The following HS3ST5 variants were observed in gnomAD, a reference collection of about 807,000 sequenced individuals.
The protein encoded by HS3ST5 is heparan sulfate-glucosamine 3-sulfotransferase 5, also known as heparan sulfate glucosamine 3-O-sulfotransferase 5.
A neutral mutation model predicts 25.4 loss-of-function variants in HS3ST5; 10 were observed. The ratio of observed to expected loss-of-function variants is 0.39; its 90% confidence interval spans 0.24 to 0.67. HS3ST5 has a LOEUF of 0.67. HS3ST5 is among the 30% of genes least tolerant of loss of function. HS3ST5 has a pLI of 0.44. For synonymous variants in HS3ST5, 170 were observed against 162.4 expected, an observed-to-expected ratio of 1.05 and a Z score of -0.36; for missense variants, 324 against 420.7, an observed-to-expected ratio of 0.77 and a Z score of 2.01.
intron 1 of HS3ST5, among the ~76,000 whole-genome samples, chr6:114,267,725 G>T (rs1773469448): frequency 6.6e-6 from 1 of 152,124 alleles, no homozygotes; most frequent in African/African-American, 2.4e-5. Context: ...ATTCCAGAGG[G>T]CCTGAGAGAG....
chr6:114,261,741 C>T (rs1182310288), intron 1 of HS3ST5, among the ~76,000 whole-genome samples: 1 of 152,172 alleles, frequency 6.6e-6, no homozygotes, highest in Non-Finnish European at 1.5e-5. Flanking sequence ...TGTCCTCCAA[C>T]ATTTTTGCTT....
chr6:114,135,668 C>T (rs988752988), intron 3 of HS3ST5, among the ~76,000 whole-genome samples: 1 of 152,224 alleles, frequency 6.6e-6, no homozygotes, highest in African/African-American at 2.4e-5. Context: ...ATGTTTTCTC[C>T]TATTCCACAG....
At chr6:114,206,000 C>G (rs1258813954) in intron 2 of HS3ST5, among the ~76,000 whole-genome samples, 1 of 152,126 alleles carries the variant, frequency 6.6e-6, no homozygotes, top group Non-Finnish European at 1.5e-5. Context: ...GTTGGGGACC[C>G]CTGCTCTAAT....
intron 3 of HS3ST5, among the ~76,000 whole-genome samples, chr6:114,166,031 A>G (rs1779194445): frequency 6.6e-6 from 1 of 152,086 alleles, no homozygotes; most frequent in African/African-American, 2.4e-5. Flanking sequence ...ACTTTAAAAA[A>G]TAAATAAATA....
At chr6:114,250,378 G>A (rs545370129) in intron 1 of HS3ST5, among the ~76,000 whole-genome samples, 4 of 152,212 alleles carry the variant, frequency 2.6e-5, no homozygotes, top group African/African-American at 9.6e-5. Context: ...TCAGAAGATC[G>A]AGACCATCCT....
chr6:114,290,092 T>C (rs1290452279), intron 1 of HS3ST5, among the ~76,000 whole-genome samples: 1 of 152,184 alleles, frequency 6.6e-6, no homozygotes, highest in African/African-American at 2.4e-5. Context: ...ATAAGTTCCA[T>C]ACTTATGTAC....
intron 3 of HS3ST5, among the ~76,000 whole-genome samples, chr6:114,122,227 C>A (rs1776824938): frequency 6.6e-6 from 1 of 152,178 alleles, no homozygotes; most frequent in African/African-American, 2.4e-5. Flanking sequence ...CCCTCAGGAG[C>A]CACTCTGCAG....
At chr6:114,144,690 C>T (rs545752835) in intron 3 of HS3ST5, among the ~76,000 whole-genome samples, 1 of 152,292 alleles carries the variant, frequency 6.6e-6, no homozygotes, top group East Asian at 1.9e-4. Flanking sequence ...AAAGGCAAAG[C>T]CATTGGCATT....
At chr6:114,088,804 A>G (rs1274633526) in intron 3 of HS3ST5, 4 of 152,188 alleles carry the variant, frequency 2.6e-5, no homozygotes, top group African/African-American at 9.6e-5. Context: ...ATGAATAGGG[A>G]AAGACTCAGC....
At chr6:114,258,968 T>C (rs1215424367) in intron 1 of HS3ST5, among the ~76,000 whole-genome samples, 1 of 152,176 alleles carries the variant, frequency 6.6e-6, no homozygotes, top group African/African-American at 2.4e-5. Context: ...AACTTTATGA[T>C]TCCTTGGCTC....
In HS3ST5 at chr6:114,082,373, T is replaced by C. The variant is rs1400563567; in HGVS notation, c.-32-19496A>G. ...CCTCAAAAAATTAATCTGACTTTCT[T>C]TTTCTTAACTGGATTTTAAGTCATT... On this transcript the variant is annotated intron_variant, in intron 3 of 4. Transcript: ENST00000312719. Among the ~76,000 whole-genome samples, 3 of 152,194 alleles carry C rather than the reference T, an allele frequency of 2.0e-5. No individual in the cohort carries two copies. The East Asian group carries it at 5.8e-4, about 29-fold the overall frequency.
At chr6:114,314,742 T>C (rs1473232491) in intron 1 of HS3ST5, among the ~76,000 whole-genome samples, 2 of 152,248 alleles carry the variant, frequency 1.3e-5, no homozygotes, top group Non-Finnish European at 2.9e-5. Flanking sequence ...TCCTTTCAGC[T>C]TTAAATTTTC....
chr6:114,061,426 A>G (rs1009373622), intron 4 of HS3ST5, among the ~76,000 whole-genome samples: 2 of 152,326 alleles, frequency 1.3e-5, no homozygotes. Flanking sequence ...GAAGCATCAA[A>G]GGAGTTCACT....
At chr6:114,118,529 T>A (rs1184991215) in intron 3 of HS3ST5, among the ~76,000 whole-genome samples, 1 of 152,198 alleles carries the variant, frequency 6.6e-6, no homozygotes, top group Non-Finnish European at 1.5e-5. Context: ...TACCATTATC[T>A]TGACTACCTA....
intron 3 of HS3ST5, among the ~76,000 whole-genome samples, chr6:114,099,269 C>A (rs547702052): frequency 6.6e-6 from 1 of 152,142 alleles, no homozygotes; most frequent in African/African-American, 2.4e-5. Context: ...GATTTTAAGG[C>A]AGCAGCCCTA....
chr6:114,094,816 T>G (rs1049492665), intron 3 of HS3ST5, among the ~76,000 whole-genome samples: 2 of 152,158 alleles, frequency 1.3e-5, no homozygotes, highest in Non-Finnish European at 1.5e-5. Flanking sequence ...GCAAAGGTGA[T>G]GCAATGTCAC....
chr6:114,080,843 C>T (rs527793811), intron 3 of HS3ST5, among the ~76,000 whole-genome samples: 1 of 152,020 alleles, frequency 6.6e-6, no homozygotes, highest in African/African-American at 2.4e-5. Context: ...TGGTCAGTAC[C>T]TGGGTGATGG....
intron 2 of HS3ST5, among the ~76,000 whole-genome samples, chr6:114,207,658 A>C (rs1781332113): frequency 6.6e-6 from 1 of 152,094 alleles, no homozygotes; most frequent in South Asian, 2.1e-4. Flanking sequence ...GTTGGACAAA[A>C]GACTCCCCTG....
intron 3 of HS3ST5, among the ~76,000 whole-genome samples, chr6:114,092,744 C>T (rs899138650): frequency 7.4e-5 from 11 of 149,644 alleles, no homozygotes; most frequent in East Asian, 3.9e-4. Context: ...GGTGCGATCT[C>T]GGCTTACTGC....
Sources: allele counts gnomAD v4.1 joint callset (sites outside exome capture counted in the v4.1 genomes callset), GRCh38; gene constraint gnomAD v4.1.1; transcripts MANE v1.5; gene names NCBI Gene and HGNC (gene_info 2026-07-23, HGNC 2026-07-21).